Variants in ANKRD55 observed in about 807,000 individuals in gnomAD.
The protein encoded by ANKRD55 is ankyrin repeat domain-containing protein 55.
A neutral mutation model predicts 60.6 loss-of-function variants in ANKRD55; 41 were observed. The ratio of observed to expected loss-of-function variants is 0.68; its 90% CI spans 0.53 to 0.88. The LOEUF is 0.88. ANKRD55 is among the 40% of genes least tolerant of loss of function. The pLI is 0.00. For missense variants in ANKRD55, 732 were observed against 767.6 expected (o/e 0.95, Z 0.55); for synonymous variants, 264 against 290.3 (o/e 0.91, Z 0.92).
intron 9 of ANKRD55, among the ~76,000 whole-genome samples, chr5:56,112,093 A>G (rs1756726830): frequency 6.6e-6 from 1 of 152,178 alleles, no homozygotes; most frequent in African/African-American, 2.4e-5. Flanking sequence ...CAAGAGGTTA[A>G]CTAAACTGAA....
intron 2 of ANKRD55, among the ~76,000 whole-genome samples, chr5:56,208,152 T>C (rs1759560104): frequency 6.6e-6 from 1 of 152,140 alleles, no homozygotes; most frequent in South Asian, 2.1e-4. Context: ...CAATAACTTA[T>C]TTTCCACCTT....
rs140216885 is a variant in ANKRD55, at chr5:56,143,716, C to T, written c.612+85G>A. ...CTGAATCAAGAGCTGAAACCTCCAT[C>T]TTTAAAGTTTGACCTACTCAGAAAA... is the stretch of plus-strand genomic sequence containing the variant. On this transcript the variant is annotated intron_variant, in intron 7 of 11. Transcript: ENST00000341048. The T allele has an allele frequency of 4.3e-5, 68 of 1,573,344 alleles. No homozygotes were observed. In the African/African-American group the frequency reaches 8.7e-4, roughly 20 times the overall value.
intron 2 of ANKRD55, among the ~76,000 whole-genome samples, chr5:56,218,959 C>T (rs1280671334): frequency 6.6e-6 from 1 of 152,086 alleles, no homozygotes; most frequent in Non-Finnish European, 1.5e-5. Context: ...TACAACATAT[C>T]TGTAAGTTTG....
intron 2 of ANKRD55, among the ~76,000 whole-genome samples, chr5:56,209,217 A>G (rs961763978): frequency 1.3e-5 from 2 of 152,168 alleles, no homozygotes; most frequent in African/African-American, 4.8e-5. Flanking sequence ...TCGGCCTCCC[A>G]AAGAGCTGGG....
At chr5:56,173,825 C>T (rs934326819) in intron 4 of ANKRD55, among the ~76,000 whole-genome samples, 1 of 152,014 alleles carries the variant, frequency 6.6e-6, no homozygotes, top group African/African-American at 2.4e-5. Flanking sequence ...GGATTACAGG[C>T]GTGAGCCACC....
At chr5:56,153,348 A>G (rs1442059420) in intron 6 of ANKRD55, among the ~76,000 whole-genome samples, 1 of 151,998 alleles carries the variant, frequency 6.6e-6, no homozygotes, top group East Asian at 1.9e-4. Flanking sequence ...AAAAACATAC[A>G]CTCTCTACTA....
At chr5:56,226,507 C>T (rs546272431) in intron 2 of ANKRD55, among the ~76,000 whole-genome samples, 17 of 119,228 alleles carry the variant, frequency 1.4e-4, no homozygotes, top group African/African-American at 8.2e-4. Context: ...TAGAGAGCTT[C>T]TTCTGCACAG....
intron 3 of ANKRD55, among the ~76,000 whole-genome samples, chr5:56,181,271 C>T (rs1457525910): frequency 6.6e-6 from 1 of 152,226 alleles, no homozygotes. Context: ...TGGACATTCA[C>T]ACCTTGTTCC....
intron 11 of ANKRD55, 139 bp downstream of exon 11, chr5:56,102,355 C>T (rs112923389): frequency 0.023 from 11,616 of 499,582 alleles, 198 homozygotes; most frequent in Non-Finnish European, 0.03. Context: ...ATGTTCATTG[C>T]ACTCTAGCCG....
intron 2 of ANKRD55, among the ~76,000 whole-genome samples, chr5:56,198,924 A>C (rs74976326): frequency 6.6e-6 from 1 of 151,226 alleles, no homozygotes; most frequent in South Asian, 2.1e-4. Flanking sequence ...CTAAAAATAC[A>C]AAAAATTTAG....
intron 2 of ANKRD55, among the ~76,000 whole-genome samples, chr5:56,223,893 C>A (rs537883137): frequency 5.2e-4 from 79 of 152,264 alleles, no homozygotes; most frequent in African/African-American, 1.8e-3. Flanking sequence ...TAATGGGAGA[C>A]TTTAACACCC....
chr5:56,150,050 A>G (rs1030608332), intron 6 of ANKRD55, among the ~76,000 whole-genome samples: 1 of 152,150 alleles, frequency 6.6e-6, no homozygotes, highest in Non-Finnish European at 1.5e-5. Flanking sequence ...CATATTGGCC[A>G]GGCTGGTCTT....
At chr5:56,182,069 T>C (rs919634765) in intron 3 of ANKRD55, among the ~76,000 whole-genome samples, 35 of 152,164 alleles carry the variant, frequency 2.3e-4, no homozygotes, top group African/African-American at 8.0e-4. Context: ...TCATCTCTTC[T>C]TTTTGGAAGA....
intron 2 of ANKRD55, among the ~76,000 whole-genome samples, chr5:56,197,077 A>G (rs1390030971): frequency 6.6e-6 from 1 of 152,212 alleles, no homozygotes; most frequent in African/African-American, 2.4e-5. Flanking sequence ...TTTGGTGCAA[A>G]TAGTGTTTGA....
intron 11 of ANKRD55, 140 bp from the exon 12 acceptor site, chr5:56,100,444 C>A: frequency 2.0e-6 from 2 of 979,470 alleles, no homozygotes; most frequent in South Asian, 1.5e-5. Context: ...CAGAGAGAAG[C>A]TGTGTATGTA....
At chr5:56,105,508 G>A (rs6877664) in intron 10 of ANKRD55, among the ~76,000 whole-genome samples, 17,844 of 152,174 alleles carry the variant, frequency 0.12, 3,409 homozygotes, top group African/African-American at 0.4. Context: ...TGTAGGAATC[G>A]GTCAAGCACA....
chr5:56,123,472 C>A (rs1288511527), intron 8 of ANKRD55, among the ~76,000 whole-genome samples: 1 of 152,144 alleles, frequency 6.6e-6, no homozygotes, highest in African/African-American at 2.4e-5. Flanking sequence ...AATCACACTG[C>A]ATATTTGAAT....
At chr5:56,168,867 G>GT (rs1758545194) in intron 5 of ANKRD55, among the ~76,000 whole-genome samples, 2 of 152,112 alleles carry the variant, frequency 1.3e-5, no homozygotes, top group African/African-American at 2.4e-5. Context: ...TAAACTTTTT[G>GT]TTTTTTTGAG....
At chr5:56,221,557 C>T (rs547152110) in intron 2 of ANKRD55, among the ~76,000 whole-genome samples, 14 of 152,296 alleles carry the variant, frequency 9.2e-5, no homozygotes, top group South Asian at 6.2e-4. Flanking sequence ...CATCACCTCA[C>T]GCGGGAAGCG....
Sources: allele counts gnomAD v4.1 joint callset (sites outside exome capture counted in the v4.1 genomes callset), GRCh38; gene constraint gnomAD v4.1.1; transcripts MANE v1.5; gene names NCBI Gene and HGNC (gene_info 2026-07-23, HGNC 2026-07-21).